The following TRIM35 variants were observed in gnomAD, a reference collection of about 807,000 sequenced individuals.
The protein encoded by TRIM35 is E3 ubiquitin-protein ligase TRIM35.
A neutral mutation model predicts 49.1 loss-of-function variants in TRIM35; 37 were observed. The ratio of observed to expected loss-of-function variants is 0.75; its 90% CI spans 0.58 to 0.99. TRIM35 has a LOEUF of 0.99. Among genes scored for constraint, TRIM35 ranks in the 50% least tolerant of loss-of-function variants. The probability of loss-of-function intolerance (pLI) is 0.00; values close to 1 mark genes in which losing one functional copy is unlikely to be tolerated. For synonymous variants in TRIM35, 302 were observed against 289.3 expected (o/e 1.04, Z -0.45); for missense variants, 648 against 702.7 (o/e 0.92, Z 0.88).
chr8:27,298,427 G>A (rs765653406), intron 2 of TRIM35, 37 bp downstream of exon 2: 1 of 1,596,772 alleles, frequency 6.3e-7, no homozygotes, highest in Non-Finnish European at 8.6e-7. Context: ...GCCCTGAGTG[G>A]ACCCAATCTT....
chr8:27,289,125 A>G, intron 5 of TRIM35, 37 bp downstream of exon 5: 7 of 1,569,720 alleles, frequency 4.5e-6, no homozygotes, highest in Non-Finnish European at 6.1e-6. Flanking sequence ...AAGGGCTTCC[A>G]CCCATGCTTG....
At position 27,288,222 on chromosome 8, in the gene TRIM35, C is replaced by T; in HGVS notation, c.905-95G>A. 1.6e-6 allele frequency: 2 copies of T among 1,220,608 alleles called. 1 individual carries two copies. The highest frequency in any genetic ancestry group is 2.3e-6 in the Non-Finnish European group (2 of 881,570). 75.6% of individuals were successfully genotyped at this position (1,220,608 alleles called of 1,614,324 possible). On this transcript the variant is annotated intron_variant, in intron 5 of 5. Coordinates refer to ENST00000305364, the MANE Select transcript of TRIM35 (RefSeq NM_171982.5). The stretch of plus-strand genomic sequence containing the variant: ...GCCCCACAAACCAACCACTGTGTCA[C>T]ACCTGGCCCCAAGTCCATGCAAGGA...
rs183047155 is a variant in TRIM35 at position 27,297,502 on chromosome 8, A to G, written c.531+962T>C. The stretch of plus-strand genomic sequence containing the variant: ...GTCACCTACCCACTTCACTCATTCA[A>G]TCAACAATTTTTATTGGTCACCTAT... On this transcript the variant is annotated intron_variant, in intron 2 of 5. Coordinates refer to ENST00000305364, the MANE Select transcript of TRIM35 (RefSeq NM_171982.5). Among the ~76,000 whole-genome samples, 421 of 152,324 alleles carry G rather than the reference A, an allele frequency of 2.8e-3. 1 individual carries two copies. The highest frequency in any genetic ancestry group is 2.6e-3 in the Non-Finnish European group (179 of 68,036).
rs1563441735 is a variant in TRIM35, at chr8:27,298,468, T to C, written c.527A>G (p.Asn176Ser). 5 of 1,614,156 alleles carry C rather than the reference T, an allele frequency of 3.1e-6. No individual in the cohort carries two copies. The highest frequency in any genetic ancestry group is 2.2e-5 in the South Asian group (2 of 91,082). ...RRSYEAIAKH[N>S]QVEAAWLEGR... ...TTGGCCCCATCGTTCGCTCACCTGA[T>C]TGTGCTTGGCGATGGCCTCATAGGA... The change falls in exon 2 of 6, where the codon AAT becomes AGT. Residue 176 changes from asparagine (N) to serine (S), a missense_variant. By Grantham distance (46) the Asn-to-Ser change is conservative. Transcript: ENST00000305364.
intron 1 of TRIM35, among the ~76,000 whole-genome samples, chr8:27,305,419 C>T (rs1802763418): frequency 6.6e-6 from 1 of 152,222 alleles, no homozygotes; most frequent in African/African-American, 2.4e-5. Context: ...ACCCCCCACT[C>T]CCAATACCAC....
intron 1 of TRIM35, among the ~76,000 whole-genome samples, chr8:27,298,845 T>C (rs769363845): frequency 2.0e-5 from 3 of 152,190 alleles, no homozygotes; most frequent in Non-Finnish European, 2.9e-5. Context: ...CTCTCTCATG[T>C]TGGTCACAGC....
Position 27,289,157 on chromosome 8 carries a change from C to G in TRIM35, c.904+5G>C. 6.2e-7 allele frequency: 1 copy of G among 1,613,038 alleles called. No individual in the cohort carries two copies. Among genetic ancestry groups the G allele is most frequent in the African/African-American group, 1.3e-5 (1 of 75,050 alleles). ...CTTGGGACACCTGCCGGCACCCCCGCTCACCAGATTCCACAGATGCAAGCA... is the reference window on the plus strand; with the variant it reads ...CTTGGGACACCTGCCGGCACCCCCGGTCACCAGATTCCACAGATGCAAGCA... On this transcript the variant is annotated splice_donor_5th_base_variant and intron_variant, in intron 5 of 5. Coordinates refer to ENST00000305364, the MANE Select transcript of TRIM35 (RefSeq NM_171982.5).
intron 1 of TRIM35, among the ~76,000 whole-genome samples, chr8:27,301,370 G>A (rs1173907356): frequency 3.3e-5 from 5 of 152,152 alleles, no homozygotes; most frequent in Non-Finnish European, 7.3e-5. Context: ...ATATATTCCT[G>A]GGGATAAAAC....
chr8:27,297,178 G>A (rs1802586894), intron 2 of TRIM35, among the ~76,000 whole-genome samples: 1 of 152,204 alleles, frequency 6.6e-6, no homozygotes, highest in African/African-American at 2.4e-5. Flanking sequence ...AAATGTTAAT[G>A]AGGCTCTTTC....
In TRIM35 at chr8:27,287,844, G is replaced by A. The variant is rs1480814207; in HGVS notation, c.1188C>T (p.Phe396=). 1 of 1,612,838 alleles carries A rather than the reference G, an allele frequency of 6.2e-7. No homozygotes were observed. Among genetic ancestry groups the A allele is most frequent in the East Asian group, 2.2e-5 (1 of 44,856 alleles). The change falls in exon 6 of 6, where the codon TTC becomes TTT. Residue 396 remains phenylalanine (F), a synonymous_variant. Coordinates refer to ENST00000305364, the MANE Select transcript of TRIM35 (RefSeq NM_171982.5). This position sits in a 1 kb window ranked among gnomAD's most constrained non-coding sequence, Gnocchi z 6.0. ...HSCYHDTRSG[F]WYVCRTQGVE... is the part of the protein sequence containing the mutation. ...CGCCCTGCGTGCGGCAGACATACCA[G>A]AAGCCCGAGCGTGTGTCGTGGTAGC...
intron 2 of TRIM35, among the ~76,000 whole-genome samples, chr8:27,298,121 G>T (rs955717524): frequency 3.3e-5 from 5 of 152,360 alleles, no homozygotes; most frequent in African/African-American, 1.2e-4. Context: ...TGGAGTGGAT[G>T]TGGGAACTGA....
At chr8:27,310,633 G>A (rs1183494573) in intron 1 of TRIM35, among the ~76,000 whole-genome samples, 168 bp downstream of exon 1, 1 of 152,244 alleles carries the variant, frequency 6.6e-6, no homozygotes, top group Non-Finnish European at 1.5e-5. Context: ...CGACCTTGAA[G>A]AAGCAGCCAG....
At position 27,287,369 on chromosome 8, in the gene TRIM35, C is replaced by A; in HGVS notation, c.*181G>T. On this transcript the variant is annotated 3_prime_UTR_variant, in exon 6 of 6. Coordinates refer to ENST00000305364, the MANE Select transcript of TRIM35 (RefSeq NM_171982.5). The surrounding 1 kb of genome is among the most constrained non-coding windows in gnomAD (Gnocchi z 6.0). ...CCCGAATAGCTCCTGACCATGGGCA[C>A]AGAAGGGACCAAACATGGAGAGAGG... The A allele has an allele frequency of 1.4e-6, 1 of 690,628 alleles. No homozygotes were observed. The allele number at this position is 690,628 out of a possible 1,614,324, so 42.8% of individuals were successfully genotyped here.
At chr8:27,295,403 C>T (rs541959373) in intron 2 of TRIM35, among the ~76,000 whole-genome samples, 7 of 152,288 alleles carry the variant, frequency 4.6e-5, no homozygotes, top group African/African-American at 1.7e-4. Flanking sequence ...GTAAACTCAT[C>T]TTTGGACTGA....
intron 1 of TRIM35, among the ~76,000 whole-genome samples, chr8:27,310,215 G>A (rs1802892102): frequency 6.6e-6 from 1 of 152,120 alleles, no homozygotes; most frequent in African/African-American, 2.4e-5. Flanking sequence ...TGCCCTGTAA[G>A]TTGCTCCTGG....
chr8:27,299,052 C>T (rs954737003), intron 1 of TRIM35, among the ~76,000 whole-genome samples: 1 of 152,152 alleles, frequency 6.6e-6, no homozygotes, highest in African/African-American at 2.4e-5. Flanking sequence ...GGTTCAGTTA[C>T]CTCCCATGAG....
intron 3 of TRIM35, 101 bp from the exon 4 acceptor site, chr8:27,290,279 G>A (rs1256244815): frequency 1.8e-6 from 2 of 1,132,472 alleles, no homozygotes; most frequent in Non-Finnish European, 2.6e-6. Context: ...TGGATCATAA[G>A]TCTTAATATT....
chr8:27,307,783 CCTCT>C (rs1395419504), intron 1 of TRIM35, among the ~76,000 whole-genome samples: 6 of 152,178 alleles, frequency 3.9e-5, no homozygotes, highest in African/African-American at 1.4e-4. Context: ...AGTTTCTTAC[CCTCT>C]CTATGATTCT....
chr8:27,287,630 C>T lies in TRIM35; in HGVS notation c.1402G>A (p.Gly468Ser). ...TCTGGAGGCCCGGCGCCCCGTGCAC[C>T]CCCCAGGTAGAAGTAGGGGCGAACC... ...GEVRPYFYLG[G>S]ARGAGPPEPL... The change falls in exon 6 of 6, where the codon GGT (glycine) becomes AGT (serine). Residue 468 changes from glycine (G) to serine (S), a missense_variant. By Grantham distance (56) the Gly-to-Ser change is moderately conservative (BLOSUM62 0). Transcript: ENST00000305364. The surrounding 1 kb of genome is among the most constrained non-coding windows in gnomAD (Gnocchi z 6.0). 1 of 1,608,778 alleles carries T rather than the reference C, an allele frequency of 6.2e-7. No homozygotes were observed. The highest frequency in any genetic ancestry group is 1.3e-5 in the African/African-American group (1 of 75,010).
Sources: allele counts gnomAD v4.1 joint callset (sites outside exome capture counted in the v4.1 genomes callset), GRCh38; gene constraint gnomAD v4.1.1; non-coding constraint Gnocchi (gnomAD v3.1); transcripts MANE v1.5; gene names NCBI Gene and HGNC (gene_info 2026-07-23, HGNC 2026-07-21).